Variants in SLC7A1 observed in about 807,000 individuals in gnomAD.
SLC7A1 encodes solute carrier family 7 member 1, also known as high affinity cationic amino acid transporter 1.
Under a neutral mutation model 53.9 loss-of-function variants are expected in SLC7A1, and 10 were observed. The ratio of observed to expected loss-of-function variants is 0.19; its 90% CI spans 0.11 to 0.31. SLC7A1 has a LOEUF of 0.31. SLC7A1 is among the 10% of genes least tolerant of loss of function. The pLI is 1.00. For synonymous variants in SLC7A1, 342 were observed against 338.7 expected, an observed-to-expected ratio of 1.01 and a Z score of -0.11; for missense variants, 525 against 827.2, an observed-to-expected ratio of 0.63 and a Z score of 4.48.
chr13:29,569,975 T>C (rs1310586761), intron 1 of SLC7A1, among the ~76,000 whole-genome samples: 2 of 152,106 alleles, frequency 1.3e-5, no homozygotes, highest in Non-Finnish European at 2.9e-5. Flanking sequence ...CCTGGTCACA[T>C]TACACAAATT....
At chr13:29,568,630 A>C (rs1195213470) in intron 1 of SLC7A1, among the ~76,000 whole-genome samples, 1 of 152,230 alleles carries the variant, frequency 6.6e-6, no homozygotes, top group African/African-American at 2.4e-5. Context: ...GCTGACACAC[A>C]ATGGCGCTTC....
intron 2 of SLC7A1, among the ~76,000 whole-genome samples, chr13:29,537,439 T>C (rs958689343): frequency 1.3e-5 from 2 of 152,174 alleles, no homozygotes; most frequent in Non-Finnish European, 2.9e-5. Context: ...TGTCAGAGCC[T>C]AGAGGAGCTA....
chr13:29,523,500 A>G lies in SLC7A1; in HGVS notation c.827-12T>C. The G allele has an allele frequency of 1.9e-6, 3 of 1,601,768 alleles. No individual in the cohort carries two copies. Among genetic ancestry groups the G allele is most frequent in the Non-Finnish European group, 2.6e-6 (3 of 1,169,288 alleles). ...CTTCACCTCTTCACCTAGAAGCACA[A>G]GGGGTCAGCGGAGGAGGGCACACAG... On this transcript the variant is annotated splice_polypyrimidine_tract_variant and intron_variant, in intron 6 of 12. Transcript: ENST00000380752.
At chr13:29,543,778 G>T (rs1593556240) in intron 2 of SLC7A1, among the ~76,000 whole-genome samples, 1 of 148,498 alleles carries the variant, frequency 6.7e-6, no homozygotes, top group Non-Finnish European at 1.5e-5. Flanking sequence ...GGGATCAGAG[G>T]TTCTACAGGA....
At chr13:29,579,815 T>A (rs1871564637) in intron 1 of SLC7A1, among the ~76,000 whole-genome samples, 1 of 152,230 alleles carries the variant, frequency 6.6e-6, no homozygotes. Context: ...AAGTGCTTTT[T>A]ATTTTTACAA....
chr13:29,529,443 A>G (rs1869051008), intron 5 of SLC7A1, among the ~76,000 whole-genome samples: 1 of 152,156 alleles, frequency 6.6e-6, no homozygotes, highest in African/African-American at 2.4e-5. Context: ...GACTCTTGCC[A>G]ATGGAATGTC....
At chr13:29,545,616 A>G (rs561183669) in intron 2 of SLC7A1, among the ~76,000 whole-genome samples, 1 of 151,830 alleles carries the variant, frequency 6.6e-6, no homozygotes, top group East Asian at 1.9e-4. Context: ...CCTCATAATA[A>G]TATTTTTCTT....
At chr13:29,535,763 G>A in intron 3 of SLC7A1, 56 bp downstream of exon 3, 1 of 1,564,816 alleles carries the variant, frequency 6.4e-7, no homozygotes, top group Non-Finnish European at 8.7e-7. Context: ...CACTTTGGAG[G>A]TGGGAACAAA....
chr13:29,589,767 A>C (rs548966904), intron 1 of SLC7A1, among the ~76,000 whole-genome samples: 1 of 152,218 alleles, frequency 6.6e-6, no homozygotes, highest in South Asian at 2.1e-4. Context: ...GCCTATCCCG[A>C]GACAGGCTGG....
At position 29,517,128 on chromosome 13, in the gene SLC7A1, A is replaced by G. The variant is rs763248342; in HGVS notation, c.1677+16T>C. 70 of 1,581,920 alleles carry G rather than the reference A, an allele frequency of 4.4e-5. No individual in the cohort carries two copies. In the South Asian group the frequency reaches 8.0e-4, roughly 18 times the overall value. ...GTCTGTGTACCAGGGTTCCTTCCCT[A>G]GGCCGAGCTGCTCACCTTAAATGAG... On this transcript the variant is annotated intron_variant, in intron 11 of 12. Transcript: ENST00000380752.
intron 7 of SLC7A1, among the ~76,000 whole-genome samples, chr13:29,522,683 CATCT>C (rs1159768082): frequency 6.6e-6 from 1 of 152,200 alleles, no homozygotes; most frequent in African/African-American, 2.4e-5. Context: ...GAATAGGGAA[CATCT>C]ATCTAACATA....
At chr13:29,569,177 C>T (rs992424302) in intron 1 of SLC7A1, among the ~76,000 whole-genome samples, 1 of 152,148 alleles carries the variant, frequency 6.6e-6, no homozygotes, top group Non-Finnish European at 1.5e-5. Flanking sequence ...ACGAGGCCCA[C>T]CTGTATGCAT....
intron 1 of SLC7A1, among the ~76,000 whole-genome samples, chr13:29,555,641 A>G (rs993048961): frequency 6.6e-6 from 1 of 151,626 alleles, no homozygotes; most frequent in African/African-American, 2.4e-5. Context: ...TGGGATTCGT[A>G]GTTTAAAAAG....
chr13:29,572,631 G>T (rs543528811), intron 1 of SLC7A1, among the ~76,000 whole-genome samples: 2 of 152,342 alleles, frequency 1.3e-5, no homozygotes, highest in Non-Finnish European at 2.9e-5. Flanking sequence ...CACTGAATCT[G>T]AGCTGAGGGT....
intron 1 of SLC7A1, among the ~76,000 whole-genome samples, chr13:29,571,888 T>C (rs1871209297): frequency 6.6e-6 from 1 of 152,262 alleles, no homozygotes; most frequent in African/African-American, 2.4e-5. Context: ...TTTTTTGTTT[T>C]GCTCATCCCC....
At chr13:29,522,071 G>T (rs557771462) in intron 8 of SLC7A1, among the ~76,000 whole-genome samples, 1 of 151,822 alleles carries the variant, frequency 6.6e-6, no homozygotes, top group East Asian at 1.9e-4. Context: ...TCTAAGCTCC[G>T]CCCATTGAGA....
chr13:29,527,868 A>C (rs1868969350), intron 5 of SLC7A1, among the ~76,000 whole-genome samples: 1 of 152,242 alleles, frequency 6.6e-6, no homozygotes, highest in Admixed American at 6.5e-5. Context: ...TCTACGTGGT[A>C]ATGGAAACTT....
At chr13:29,527,193 T>C (rs1868937875) in intron 5 of SLC7A1, among the ~76,000 whole-genome samples, 2 of 152,156 alleles carry the variant, frequency 1.3e-5, no homozygotes, top group African/African-American at 4.8e-5. Flanking sequence ...CATATTTACA[T>C]TTGCTTGTGC....
chr13:29,536,274 T>A, intron 2 of SLC7A1, 72 bp from the exon 3 acceptor site: 1 of 1,424,846 alleles, frequency 7.0e-7, no homozygotes, highest in Non-Finnish European at 9.6e-7. Context: ...TATCACATTA[T>A]GGAAACACAG....
Sources: gnomAD v4.1 joint callset for allele counts (sites outside exome capture counted in the v4.1 genomes callset) on GRCh38, gnomAD v4.1.1 for gene constraint, MANE v1.5 for transcripts, NCBI Gene and HGNC (gene_info 2026-07-23, HGNC 2026-07-21) for gene names.